IL17RD: variants seen among roughly 807,000 people sequenced by gnomAD.
IL17RD encodes the protein interleukin-17 receptor D.
Under a neutral mutation model 80.5 loss-of-function variants are expected in IL17RD, and 52 were observed. That is an observed-to-expected ratio of 0.65 (90% CI 0.52 to 0.81). The LOEUF is 0.81. Among genes scored for constraint, IL17RD ranks in the 40% least tolerant of loss-of-function variants. IL17RD has a pLI of 0.00. For synonymous variants in IL17RD, 416 were observed against 391.8 expected (o/e 1.06, Z -0.73); for missense variants, 1,024 against 955.1 (o/e 1.07, Z -0.95).
Position 57,162,378 on chromosome 3 carries a change from T to C in IL17RD, c.126+2783A>G, listed in dbSNP as rs77637107. Among the ~76,000 whole-genome samples the C allele has an allele frequency of 3.3e-3, 501 of 152,382 alleles. 1 individual carries two copies. Among genetic ancestry groups the C allele is most frequent in the African/African-American group, 0.011 (468 of 41,598 alleles). On this transcript the variant is annotated intron_variant, in intron 1 of 12. Transcript: ENST00000296318. ...CATATAGTCGACCCTTATCCTTTTA[T>C]GTTCCTACAGCCCCACTGTAAGCAA...
intron 1 of IL17RD, among the ~76,000 whole-genome samples, chr3:57,151,861 AAAAC>A (rs966730901): frequency 6.6e-6 from 1 of 152,180 alleles, no homozygotes; most frequent in Non-Finnish European, 1.5e-5. Context: ...ACCCTGTCTC[AAAAC>A]AAACAAACAA....
At chr3:57,154,283 TACACAC>T (rs1553628627) in intron 1 of IL17RD, among the ~76,000 whole-genome samples, 11 of 112,908 alleles carry the variant, frequency 9.7e-5, no homozygotes, top group East Asian at 9.4e-4. Flanking sequence ...TATATATATA[TACACAC>T]ACACACACAC....
At chr3:57,117,864 C>T (rs527384975) in intron 2 of IL17RD, among the ~76,000 whole-genome samples, 27 of 152,266 alleles carry the variant, frequency 1.8e-4, no homozygotes, top group Non-Finnish European at 3.5e-4. Context: ...GAACTTCAAA[C>T]GTCTCAGGAG....
intron 11 of IL17RD, among the ~76,000 whole-genome samples, chr3:57,099,597 C>G (rs1490445333): frequency 6.6e-6 from 1 of 152,244 alleles, no homozygotes; most frequent in Non-Finnish European, 1.5e-5. Context: ...CATCCATCCA[C>G]TTGCTGAAAA....
At chr3:57,117,110 A>T (rs1308531135) in intron 2 of IL17RD, among the ~76,000 whole-genome samples, 1 of 123,968 alleles carries the variant, frequency 8.1e-6, no homozygotes, top group Non-Finnish European at 1.6e-5. Context: ...ATAAAGTTTA[A>T]GAATTTTTTT....
chr3:57,138,086 C>T (rs1373721676), intron 1 of IL17RD, among the ~76,000 whole-genome samples: 1 of 152,050 alleles, frequency 6.6e-6, no homozygotes, highest in Non-Finnish European at 1.5e-5. Flanking sequence ...TAGAGATAGC[C>T]AGGGGCTGCG....
At chr3:57,101,101 G>A in intron 11 of IL17RD, 78 bp downstream of exon 11, 1 of 1,193,416 alleles carries the variant, frequency 8.4e-7, no homozygotes, top group Middle Eastern at 2.1e-4. Flanking sequence ...AGGCCCAGAA[G>A]AGAGGAGAAG....
In IL17RD at chr3:57,101,371, G is replaced by C. The variant is rs1184818223; in HGVS notation, c.980-8C>G. The C allele has an allele frequency of 6.4e-7, 1 of 1,561,596 alleles. No individual in the cohort carries two copies. Among genetic ancestry groups the C allele is most frequent in the African/African-American group, 1.4e-5 (1 of 73,306 alleles). On this transcript the variant is annotated splice_polypyrimidine_tract_variant and splice_region_variant and intron_variant, in intron 10 of 12. Coordinates refer to ENST00000296318, the MANE Select transcript of IL17RD (RefSeq NM_017563.5). The stretch of plus-strand genomic sequence containing the variant: ...AATGTGAATATATATTTTCTAAATT[G>C]GAAAAGAAGATAAGGTTGATACTTG...
chr3:57,169,429 A>G, upstream of IL17RD: 1 of 248,006 alleles, frequency 4.0e-6, no homozygotes, highest in South Asian at 3.6e-5. Context: ...CCTTAAAATA[A>G]GCTGTTGATG....
upstream of IL17RD, among the ~76,000 whole-genome samples, chr3:57,166,108 T>G (rs2060347092): frequency 6.6e-6 from 1 of 152,226 alleles, no homozygotes. Flanking sequence ...TATTTCTGTT[T>G]GGAAGAGGAA....
chr3:57,157,891 T>C (rs1028123679), intron 1 of IL17RD, among the ~76,000 whole-genome samples: 2 of 152,196 alleles, frequency 1.3e-5, no homozygotes, highest in African/African-American at 4.8e-5. Flanking sequence ...CTGGGGACAC[T>C]GCCAGCATTT....
chr3:57,097,771 T>G lies in IL17RD; in HGVS notation c.1932A>C (p.Gln644His). 6.2e-7 allele frequency: 1 copy of G among 1,602,806 alleles called. No individual in the cohort carries two copies. The highest frequency in any genetic ancestry group is 8.5e-7 in the Non-Finnish European group (1 of 1,174,164). ...RPALDGSAAL[Q>H]PLLHTVKAGS... Reference sequence around the variant, plus strand: ...CGGCTTTCACCGTGTGCAGCAGGGGTTGCAGGGCGGCGCTACCGTCAAGGG... The same window carrying G: ...CGGCTTTCACCGTGTGCAGCAGGGGGTGCAGGGCGGCGCTACCGTCAAGGG... The change falls in exon 12 of 13, where the codon CAA becomes CAC. Residue 644 changes from glutamine (Q) to histidine (H), a missense_variant. Transcript: ENST00000296318.
intron 1 of IL17RD, among the ~76,000 whole-genome samples, chr3:57,164,119 T>A (rs1030720368): frequency 2.6e-5 from 4 of 152,320 alleles, no homozygotes; most frequent in Admixed American, 2.6e-4. Flanking sequence ...ATTTTTCATA[T>A]GAAGAAATTG....
intron 3 of IL17RD, among the ~76,000 whole-genome samples, chr3:57,113,312 A>G (rs1707139251): frequency 6.6e-6 from 1 of 152,078 alleles, no homozygotes; most frequent in Non-Finnish European, 1.5e-5. Flanking sequence ...ATCTCGGCTC[A>G]CCGCAACCTC....
At position 57,159,118 on chromosome 3, in the gene IL17RD, C is replaced by T. The variant is rs187872623; in HGVS notation, c.126+6043G>A. ...CTGACTTAATTTACAATGTCGATAT[C>T]TCTTCTTTTTTTTTTTTTTTAAAGA... On this transcript the variant is annotated intron_variant, in intron 1 of 12. Coordinates refer to ENST00000296318, the MANE Select transcript of IL17RD (RefSeq NM_017563.5). 1.8e-4 allele frequency among the ~76,000 whole-genome samples: 26 copies of T among 145,870 alleles called. No homozygotes were observed. The East Asian group carries it at 5.0e-3, about 28-fold the overall frequency.
Position 57,097,675 on chromosome 3 carries a change from CAGAG to C in IL17RD, c.2024_2027del (p.Ser675CysfsTer3). On this transcript the variant is annotated frameshift_variant, in exon 12 of 13. Coordinates refer to ENST00000296318, the MANE Select transcript of IL17RD (RefSeq NM_017563.5). LOFTEE classifies it high-confidence loss of function. Reference sequence around the variant, plus strand: ...CCGTCGAGAGTCCTTCCATCAGTGGCAGAGACAGCTCGGATGAGGGCACAGACGA... The same window carrying C: ...CCGTCGAGAGTCCTTCCATCAGTGGCACAGCTCGGATGAGGGCACAGACGA... 6.2e-7 allele frequency: 1 copy of C among 1,605,220 alleles called. No homozygotes were observed. Among genetic ancestry groups the C allele is most frequent in the Non-Finnish European group, 8.5e-7 (1 of 1,176,242 alleles).
intron 1 of IL17RD, among the ~76,000 whole-genome samples, chr3:57,146,197 CTA>C (rs1439435501): frequency 6.6e-6 from 1 of 152,178 alleles, no homozygotes; most frequent in African/African-American, 2.4e-5. Context: ...GGAAGACTCA[CTA>C]ATCAATAATT....
rs372824452 is a variant in IL17RD, at chr3:57,097,581, C to A, written c.2107+15G>T. On this transcript the variant is annotated intron_variant, in intron 12 of 12. Coordinates refer to ENST00000296318, the MANE Select transcript of IL17RD (RefSeq NM_017563.5). ...GGCTGCGGCCTGTTAGGACCCGGCCCCAAAGGCACCTTACCCAGGCCTGAA... is the reference window on the plus strand; with the variant it reads ...GGCTGCGGCCTGTTAGGACCCGGCCACAAAGGCACCTTACCCAGGCCTGAA... 2 of 1,556,294 alleles carry A rather than the reference C, an allele frequency of 1.3e-6. No individual in the cohort carries two copies. Among genetic ancestry groups the A allele is most frequent in the Non-Finnish European group, 1.7e-6 (2 of 1,148,560 alleles).
chr3:57,142,164 T>C (rs1707840931), intron 1 of IL17RD, among the ~76,000 whole-genome samples: 1 of 152,206 alleles, frequency 6.6e-6, no homozygotes, highest in Non-Finnish European at 1.5e-5. Flanking sequence ...TCGGACTAGC[T>C]AAAGGTTTTC....
Sources: gnomAD v4.1 joint callset for allele counts (sites outside exome capture counted in the v4.1 genomes callset) on GRCh38, gnomAD v4.1.1 for gene constraint, MANE v1.5 for transcripts, NCBI Gene and HGNC (gene_info 2026-07-23, HGNC 2026-07-21) for gene names.